TSHR: variants seen among roughly 807,000 people sequenced by gnomAD.
TSHR encodes the protein thyroid stimulating hormone receptor, also known as thyrotropin receptor.
Under a neutral mutation model 64.1 loss-of-function variants are expected in TSHR, and 51 were observed. The ratio of observed to expected loss-of-function variants is 0.80; its 90% CI spans 0.64 to 1.01. TSHR has a LOEUF of 1.01. Among genes scored for constraint, TSHR ranks in the 50% least tolerant of loss-of-function variants. The probability of loss-of-function intolerance (pLI) is 0.00; values close to 1 mark genes in which losing one functional copy is unlikely to be tolerated. For missense variants in TSHR, 877 were observed against 942.8 expected, an observed-to-expected ratio of 0.93 and a Z score of 0.91; for synonymous variants, 361 against 361.9, an observed-to-expected ratio of 1.00 and a Z score of 0.03.
rs890243572 is a variant in TSHR at position 81,100,464 on chromosome 14, A to G, written c.614+3757A>G. On this transcript the variant is annotated intron_variant, in intron 7 of 9. Transcript: ENST00000298171. ...CACACAACAAGTAATCAATTCTCCA[A>G]TGCACACCAGCTGGATGTCCTACAA... Among the ~76,000 whole-genome samples, 7 of 152,184 alleles carry G rather than the reference A, an allele frequency of 4.6e-5. No homozygotes were observed. The East Asian group carries it at 5.8e-4, about 13-fold the overall frequency.
chr14:81,036,355 A>G (rs1298220631), intron 1 of TSHR, among the ~76,000 whole-genome samples: 1 of 152,178 alleles, frequency 6.6e-6, no homozygotes, highest in Non-Finnish European at 1.5e-5. Context: ...ATCAAGTTAC[A>G]TATAAGGGAA....
intron 1 of TSHR, chr14:81,014,243 G>A (rs1335835770): frequency 1.3e-5 from 2 of 152,144 alleles, no homozygotes; most frequent in African/African-American, 2.4e-5. Flanking sequence ...TGCCTTTTAG[G>A]AAGTGTTTGT....
At chr14:81,038,753 T>C (rs2139840180) in intron 1 of TSHR, among the ~76,000 whole-genome samples, 1 of 145,682 alleles carries the variant, frequency 6.9e-6, no homozygotes, top group African/African-American at 2.5e-5. Flanking sequence ...TATATATATA[T>C]TAAAAATAAA....
chr14:81,108,333 A>G, intron 7 of TSHR, 42 bp from the exon 8 acceptor site: 2 of 1,419,950 alleles, frequency 1.4e-6, no homozygotes, highest in Non-Finnish European at 9.8e-7. Flanking sequence ...TCTTAAAATC[A>G]CCTAATTCAT....
At chr14:81,039,943 G>A (rs1226217336) in intron 1 of TSHR, among the ~76,000 whole-genome samples, 1 of 151,844 alleles carries the variant, frequency 6.6e-6, no homozygotes, top group Non-Finnish European at 1.5e-5. Flanking sequence ...TCCAATGACA[G>A]TTTTTCAAAG....
At position 81,039,563 on chromosome 14, in the gene TSHR, T is replaced by TA. The variant is rs567081782; in HGVS notation, c.171-22578dup. ...TTTCATATAACATAATTTTATATAT[T>TA]AAAAAAACCCTAAAGACTCCACCAT... On this transcript the variant is annotated intron_variant, in intron 1 of 9. Transcript: ENST00000298171. Among the ~76,000 whole-genome samples the TA allele has an allele frequency of 4.2e-4, 64 of 151,824 alleles. No individual in the cohort carries two copies. The South Asian group carries it at 7.9e-3, about 19-fold the overall frequency.
chr14:80,970,132 C>T (rs1887521203), intron 1 of TSHR, among the ~76,000 whole-genome samples: 1 of 152,188 alleles, frequency 6.6e-6, no homozygotes, highest in Non-Finnish European at 1.5e-5. Context: ...GTAAAGCAGA[C>T]ACCAACCTAT....
chr14:81,002,483 T>C (rs1206138839), intron 1 of TSHR, among the ~76,000 whole-genome samples: 3 of 152,228 alleles, frequency 2.0e-5, no homozygotes, highest in Admixed American at 6.5e-5. Flanking sequence ...AGTTAATCTA[T>C]GTAAAGTGCT....
chr14:80,998,611 T>C (rs2284731), intron 1 of TSHR, among the ~76,000 whole-genome samples: 18,306 of 151,874 alleles, frequency 0.12, 1,395 homozygotes, highest in East Asian at 0.38. Flanking sequence ...GTAGTTATTA[T>C]AAAAAGAAAC....
Position 81,067,481 on chromosome 14 carries a change from T to TTTTA in TSHR, c.243-771_243-768dup, listed in dbSNP as rs1886706281. ...GATAATTAGTGAAAGGAGTTTATAG[T>TTTTA]TTTATATATATATATATATATATAG... On this transcript the variant is annotated intron_variant, in intron 2 of 9. Transcript: ENST00000298171. 4.0e-4 allele frequency among the ~76,000 whole-genome samples: 10 copies of TTTTA among 24,920 alleles called. No homozygotes were observed. The South Asian group carries it at 0.012, about 31-fold the overall frequency. The allele number at this position is 24,920 out of a possible 152,430, so 16.3% of individuals were successfully genotyped here. A position where few individuals can be genotyped will look rare whatever the true frequency, so the allele number is the denominator to read the frequency against.
At chr14:81,060,198 T>C (rs1263425979) in intron 1 of TSHR, among the ~76,000 whole-genome samples, 2 of 152,172 alleles carry the variant, frequency 1.3e-5, no homozygotes, top group Non-Finnish European at 2.9e-5. Flanking sequence ...CACAAAATGT[T>C]TGCCTTACGA....
chr14:80,963,534 C>T (rs1013253452), intron 1 of TSHR, among the ~76,000 whole-genome samples: 15 of 152,180 alleles, frequency 9.9e-5, no homozygotes, highest in Admixed American at 9.8e-4. Flanking sequence ...CAGGAGGCTT[C>T]AGTAATAAAG....
chr14:80,960,446 A>G (rs1886960800), intron 1 of TSHR, among the ~76,000 whole-genome samples: 1 of 152,236 alleles, frequency 6.6e-6, no homozygotes, highest in Non-Finnish European at 1.5e-5. Flanking sequence ...TCTGTGAATT[A>G]TTCTTTTCCA....
intron 1 of TSHR, chr14:80,982,800 C>A (rs1021181061): frequency 1.8e-6 from 1 of 550,284 alleles, no homozygotes; most frequent in Non-Finnish European, 3.3e-6. Flanking sequence ...GGAACACTAA[C>A]TCATGCTCAC....
At chr14:81,010,238 G>T in intron 1 of TSHR, among the ~76,000 whole-genome samples, 1 of 152,012 alleles carries the variant, frequency 6.6e-6, no homozygotes, top group Non-Finnish European at 1.5e-5. Flanking sequence ...TATGCAACTA[G>T]TAAATATCTC....
At chr14:80,961,283 T>C (rs903805831) in intron 1 of TSHR, among the ~76,000 whole-genome samples, 4 of 152,138 alleles carry the variant, frequency 2.6e-5, no homozygotes, top group Admixed American at 6.5e-5. Context: ...TCTGCAGGGA[T>C]CTTACAGTCT....
chr14:81,090,011 T>C (rs1386405650), intron 4 of TSHR, among the ~76,000 whole-genome samples: 1 of 151,736 alleles, frequency 6.6e-6, no homozygotes, highest in Non-Finnish European at 1.5e-5. Context: ...CTTTACTGAG[T>C]AGTGTCTAGA....
At chr14:81,113,313 G>A (rs1164790157) in intron 8 of TSHR, among the ~76,000 whole-genome samples, 1 of 152,164 alleles carries the variant, frequency 6.6e-6, no homozygotes, top group Non-Finnish European at 1.5e-5. Flanking sequence ...AAGGAGAACT[G>A]TAATTATTTT....
chr14:80,965,041 C>G (rs1887227985), intron 1 of TSHR, among the ~76,000 whole-genome samples: 1 of 152,200 alleles, frequency 6.6e-6, no homozygotes, highest in African/African-American at 2.4e-5. Flanking sequence ...GAAGAGAGCT[C>G]CCTGCTTCTA....
Sources: gnomAD v4.1 joint callset for allele counts (sites outside exome capture counted in the v4.1 genomes callset) on GRCh38, gnomAD v4.1.1 for gene constraint, MANE v1.5 for transcripts, NCBI Gene and HGNC (gene_info 2026-07-23, HGNC 2026-07-21) for gene names.